VSTM4: variants seen among roughly 807,000 people sequenced by gnomAD.
The protein encoded by VSTM4 is V-set and transmembrane domain-containing protein 4.
VSTM4 carries 20 observed loss-of-function variants against 36.4 expected under a neutral mutation model. The observed-to-expected ratio is 0.55, with a 90% confidence interval of 0.39 to 0.80. The LOEUF (loss-of-function observed/expected upper bound fraction) is 0.80, where lower values mean the gene tolerates loss of function less well. Ranked by LOEUF, VSTM4 falls within the 30% of genes least tolerant of loss-of-function variation. The pLI is 0.00. For synonymous variants in VSTM4, 182 were observed against 173.9 expected (o/e 1.05, Z -0.37); for missense variants, 392 against 404.5 (o/e 0.97, Z 0.26).
At chr10:49,106,887 A>G (rs1282979497) in intron 2 of VSTM4, among the ~76,000 whole-genome samples, 1 of 152,234 alleles carries the variant, frequency 6.6e-6, no homozygotes, top group Non-Finnish European at 1.5e-5. Context: ...GCCTATGCCT[A>G]CGATGACCTC....
At chr10:49,067,964 T>A (rs1001711744) in intron 4 of VSTM4, among the ~76,000 whole-genome samples, 4 of 152,228 alleles carry the variant, frequency 2.6e-5, no homozygotes, top group African/African-American at 9.6e-5. Context: ...CTTTTAATCA[T>A]CTCTAGATTA....
At chr10:49,075,823 C>T (rs1844166779) in intron 4 of VSTM4, among the ~76,000 whole-genome samples, 1 of 152,244 alleles carries the variant, frequency 6.6e-6, no homozygotes. Flanking sequence ...GTTCCTGACC[C>T]CCTGGCTTCT....
chr10:49,026,928 C>A (rs1843270907), intron 7 of VSTM4, among the ~76,000 whole-genome samples: 1 of 152,196 alleles, frequency 6.6e-6, no homozygotes, highest in Non-Finnish European at 1.5e-5. Context: ...CTGCTCAGTC[C>A]TCTTTCCAGG....
At chr10:49,082,460 T>C (rs35496464) in intron 3 of VSTM4, among the ~76,000 whole-genome samples, 14,298 of 152,162 alleles carry the variant, frequency 0.094, 907 homozygotes, top group East Asian at 0.21. Flanking sequence ...GGTCGGGAGT[T>C]CGAAACCAGC....
chr10:49,043,721 A>G (rs549849604), intron 7 of VSTM4, among the ~76,000 whole-genome samples: 47 of 152,364 alleles, frequency 3.1e-4, no homozygotes, highest in African/African-American at 1.1e-3. Flanking sequence ...GCATAAGGTA[A>G]AATAAAAAAG....
intron 2 of VSTM4, among the ~76,000 whole-genome samples, chr10:49,093,314 G>A (rs1844511657): frequency 1.3e-5 from 2 of 152,142 alleles, no homozygotes; most frequent in South Asian, 2.1e-4. Flanking sequence ...AAAGGTTTGA[G>A]CAGCAGGGCA....
chr10:49,064,566 C>A, intron 5 of VSTM4, 137 bp downstream of exon 5: 1 of 972,580 alleles, frequency 1.0e-6, no homozygotes, highest in Non-Finnish European at 1.6e-6. Context: ...ATGCAGGATA[C>A]ACATTTGCAG....
chr10:49,065,641 G>A (rs1843960022), intron 4 of VSTM4, among the ~76,000 whole-genome samples: 1 of 152,160 alleles, frequency 6.6e-6, no homozygotes, highest in African/African-American at 2.4e-5. Context: ...TCCCAGCCAA[G>A]GCCCCGAACA....
At chr10:49,020,384 AAAAT>A (rs1843163480) in intron 7 of VSTM4, among the ~76,000 whole-genome samples, 1 of 152,174 alleles carries the variant, frequency 6.6e-6, no homozygotes, top group Non-Finnish European at 1.5e-5. Flanking sequence ...AAAGAGGAAT[AAAAT>A]AAAGAATAGC....
At chr10:49,079,359 G>T (rs1278930779) in intron 3 of VSTM4, among the ~76,000 whole-genome samples, 2 of 152,126 alleles carry the variant, frequency 1.3e-5, no homozygotes, top group Non-Finnish European at 2.9e-5. Flanking sequence ...ATGAGACTCA[G>T]TGCCCAGCTA....
chr10:49,105,824 G>A (rs939455347), intron 2 of VSTM4, among the ~76,000 whole-genome samples: 1 of 145,872 alleles, frequency 6.9e-6, no homozygotes, highest in African/African-American at 2.5e-5. Context: ...ACATACACAC[G>A]TATCATATGT....
intron 2 of VSTM4, among the ~76,000 whole-genome samples, chr10:49,088,330 C>A (rs1428667358): frequency 1.3e-5 from 2 of 152,158 alleles, no homozygotes; most frequent in Non-Finnish European, 2.9e-5. Flanking sequence ...AAGGAAGCAA[C>A]CTGGACCTCC....
chr10:49,110,801 T>C (rs951947907), intron 1 of VSTM4, among the ~76,000 whole-genome samples: 1 of 152,146 alleles, frequency 6.6e-6, no homozygotes, highest in African/African-American at 2.4e-5. Flanking sequence ...TGCCAGCACC[T>C]TGATTGGATT....
intron 7 of VSTM4, among the ~76,000 whole-genome samples, chr10:49,021,766 G>A (rs1293882692): frequency 2.0e-5 from 3 of 152,158 alleles, no homozygotes; most frequent in African/African-American, 2.4e-5. Context: ...CTTGGTACAA[G>A]CAAATAACTG....
chr10:49,032,448 T>C (rs1373128913), intron 7 of VSTM4, among the ~76,000 whole-genome samples: 1 of 152,202 alleles, frequency 6.6e-6, no homozygotes, highest in African/African-American at 2.4e-5. Flanking sequence ...TAATTTCTGA[T>C]TTTCATGTGT....
At chr10:49,105,576 G>A (rs4509682) in intron 2 of VSTM4, among the ~76,000 whole-genome samples, 73,477 of 151,900 alleles carry the variant, frequency 0.48, 19,276 homozygotes, top group African/African-American at 0.7. Flanking sequence ...TTTCCAGTGA[G>A]GTGTTAAAAA....
chr10:49,115,417 C>T lies in VSTM4; in HGVS notation c.55+14G>A, dbSNP rs1402191204. 2 of 1,030,990 alleles carry T rather than the reference C, an allele frequency of 1.9e-6. No homozygotes were observed. Among genetic ancestry groups the T allele is most frequent in the Admixed American group, 5.0e-5 (1 of 20,026 alleles). 63.9% of individuals were successfully genotyped at this position (1,030,990 alleles called of 1,614,324 possible). ...CCCACCCTTCCCGCTCCCGCCTGGC[C>T]CCGCCGCGCTTACCCGGAGCCGGAG... On this transcript the variant is annotated intron_variant, in intron 1 of 7. Transcript: ENST00000332853.
intron 2 of VSTM4, among the ~76,000 whole-genome samples, chr10:49,087,765 G>A (rs1844393903): frequency 1.3e-5 from 2 of 151,976 alleles, no homozygotes; most frequent in Admixed American, 1.3e-4. Context: ...TTAAGTATGA[G>A]TGAGTTTCTT....
At chr10:49,033,787 T>G (rs575694534) in intron 7 of VSTM4, among the ~76,000 whole-genome samples, 2 of 152,304 alleles carry the variant, frequency 1.3e-5, no homozygotes, top group African/African-American at 4.8e-5. Flanking sequence ...CAATAAGAGT[T>G]GTCTCAAAGT....
Sources: allele counts gnomAD v4.1 joint callset (sites outside exome capture counted in the v4.1 genomes callset), GRCh38; gene constraint gnomAD v4.1.1; transcripts MANE v1.5; gene names NCBI Gene and HGNC (gene_info 2026-07-23, HGNC 2026-07-21).